The following ZMYND8 variants were observed in gnomAD, a reference collection of about 807,000 sequenced individuals.
ZMYND8 encodes the protein zinc finger MYND-type containing 8, also known as MYND-type zinc finger-containing chromatin reader ZMYND8.
Under a neutral mutation model 140.8 loss-of-function variants are expected in ZMYND8, and 37 were observed. The ratio of observed to expected loss-of-function variants is 0.26; its 90% confidence interval spans 0.20 to 0.35. ZMYND8 has a LOEUF of 0.35. Among genes scored for constraint, ZMYND8 ranks in the 10% least tolerant of loss-of-function variants. ZMYND8 has a pLI of 1.00. For missense variants in ZMYND8, 1,068 were observed against 1,570.0 expected, an observed-to-expected ratio of 0.68 and a Z score of 5.40; for synonymous variants, 592 against 597.1, an observed-to-expected ratio of 0.99 and a Z score of 0.12.
chr20:47,278,034 A>G (rs967468892), intron 10 of ZMYND8, among the ~76,000 whole-genome samples: 8 of 152,024 alleles, frequency 5.3e-5, no homozygotes, highest in African/African-American at 1.9e-4. Context: ...GAGCAGAAGT[A>G]TGATCAAGGC....
At chr20:47,339,034 G>T (rs966337949) in intron 2 of ZMYND8, among the ~76,000 whole-genome samples, 1 of 149,456 alleles carries the variant, frequency 6.7e-6, no homozygotes, top group South Asian at 2.1e-4. Context: ...GTGCAGTGGC[G>T]TGATCTTGGC....
chr20:47,225,641 C>G (rs1339333613), intron 18 of ZMYND8, among the ~76,000 whole-genome samples: 1 of 114,536 alleles, frequency 8.7e-6, no homozygotes, highest in Non-Finnish European at 1.8e-5. Flanking sequence ...TTCAAATACT[C>G]TTCCTGAACT....
chr20:47,224,110 A>T (rs2037371061), intron 19 of ZMYND8, among the ~76,000 whole-genome samples: 1 of 152,234 alleles, frequency 6.6e-6, no homozygotes, highest in South Asian at 2.1e-4. Flanking sequence ...GCAAAGATCA[A>T]AGGTTCAAAA....
At chr20:47,302,905 G>T (rs1411831413) in intron 3 of ZMYND8, among the ~76,000 whole-genome samples, 2 of 152,212 alleles carry the variant, frequency 1.3e-5, no homozygotes, top group African/African-American at 4.8e-5. Context: ...TCTCAATCTT[G>T]GTACTGGTGA....
intron 9 of ZMYND8, 60 bp downstream of exon 9, chr20:47,283,511 G>A: frequency 2.6e-6 from 4 of 1,566,908 alleles, no homozygotes; most frequent in Non-Finnish European, 3.5e-6. Context: ...AGCTGTCTCA[G>A]GGTAGTCATC....
At chr20:47,264,680 A>G (rs2075381042) in intron 11 of ZMYND8, among the ~76,000 whole-genome samples, 1 of 152,162 alleles carries the variant, frequency 6.6e-6, no homozygotes, top group Non-Finnish European at 1.5e-5. Context: ...GGGCTGCTAT[A>G]TTATTACTAG....
chr20:47,251,288 T>C (rs1214868408), intron 12 of ZMYND8, among the ~76,000 whole-genome samples: 1 of 152,046 alleles, frequency 6.6e-6, no homozygotes, highest in Non-Finnish European at 1.5e-5. Flanking sequence ...GTGAAGAATG[T>C]GCAAATTTAC....
At chr20:47,313,440 G>A (rs1291512258) in intron 2 of ZMYND8, among the ~76,000 whole-genome samples, 3 of 151,550 alleles carry the variant, frequency 2.0e-5, no homozygotes, top group Non-Finnish European at 4.4e-5. Flanking sequence ...GGCTAACATG[G>A]TGAAACCCCG....
chr20:47,287,334 C>G, intron 7 of ZMYND8, 50 bp from the exon 8 acceptor site: 1 of 1,490,582 alleles, frequency 6.7e-7, no homozygotes, highest in Non-Finnish European at 9.4e-7. Flanking sequence ...ACCGCAACAC[C>G]GGGCCTGGGG....
chr20:47,245,393 C>G (rs1272613139), intron 14 of ZMYND8, among the ~76,000 whole-genome samples: 1 of 152,066 alleles, frequency 6.6e-6, no homozygotes, highest in East Asian at 1.9e-4. Context: ...ATTACAGGCG[C>G]CTGCTACCAC....
At chr20:47,223,950 A>G (rs1024293468) in intron 19 of ZMYND8, among the ~76,000 whole-genome samples, 1 of 152,206 alleles carries the variant, frequency 6.6e-6, no homozygotes, top group African/African-American at 2.4e-5. Flanking sequence ...TGTCAAAGAT[A>G]GGTTAGTACC....
At chr20:47,235,073 T>C (rs929445402) in intron 16 of ZMYND8, among the ~76,000 whole-genome samples, 3 of 152,250 alleles carry the variant, frequency 2.0e-5, no homozygotes, top group Non-Finnish European at 4.4e-5. Flanking sequence ...AGTAATCTAC[T>C]CATCAGTAAA....
chr20:47,313,425 A>T (rs936162826), intron 2 of ZMYND8, among the ~76,000 whole-genome samples: 2 of 151,368 alleles, frequency 1.3e-5, no homozygotes, highest in South Asian at 2.1e-4. Context: ...GATCGAGACC[A>T]TCCTGGCTAA....
intron 3 of ZMYND8, among the ~76,000 whole-genome samples, chr20:47,304,622 G>A (rs953755416): frequency 6.6e-6 from 1 of 152,240 alleles, no homozygotes; most frequent in African/African-American, 2.4e-5. Context: ...AGGCCACACA[G>A]GGACCATACC....
At chr20:47,255,594 G>GTGTA (rs1555924059) in intron 12 of ZMYND8, among the ~76,000 whole-genome samples, 44 of 124,312 alleles carry the variant, frequency 3.5e-4, no homozygotes, top group Middle Eastern at 4.2e-3. Flanking sequence ...GTGTGTGTGT[G>GTGTA]TATATATATA....
chr20:47,278,150 T>G (rs2076372475), intron 10 of ZMYND8, among the ~76,000 whole-genome samples: 1 of 152,150 alleles, frequency 6.6e-6, no homozygotes, highest in Admixed American at 6.5e-5. Context: ...ATTTTTTAAC[T>G]TTTGTATACT....
chr20:47,317,656 G>C (rs1048560484), intron 2 of ZMYND8, among the ~76,000 whole-genome samples: 1 of 152,172 alleles, frequency 6.6e-6, no homozygotes, highest in African/African-American at 2.4e-5. Flanking sequence ...ACAGGAGTAG[G>C]GCAACCAACC....
chr20:47,277,308 TGC>T (rs1399122645), intron 10 of ZMYND8, among the ~76,000 whole-genome samples: 1 of 152,270 alleles, frequency 6.6e-6, no homozygotes, highest in African/African-American at 2.4e-5. Context: ...CCTCCAGGCG[TGC>T]ACTTTCCACC....
chr20:47,238,646 C>A (rs535539813), intron 15 of ZMYND8, 112 bp downstream of exon 15: 2 of 1,515,852 alleles, frequency 1.3e-6, no homozygotes, highest in African/African-American at 1.4e-5. Context: ...GATACAATGG[C>A]CCGGAAACAA....
Sources: allele counts gnomAD v4.1 joint callset (sites outside exome capture counted in the v4.1 genomes callset), GRCh38; gene constraint gnomAD v4.1.1; transcripts MANE v1.5; gene names NCBI Gene and HGNC (gene_info 2026-07-23, HGNC 2026-07-21).